The following ZGRF1 variants were observed in gnomAD, a reference collection of about 807,000 sequenced individuals.
ZGRF1 encodes the protein zinc finger GRF-type containing 1.
A neutral mutation model predicts 203.5 loss-of-function variants in ZGRF1; 196 were observed. That is an observed-to-expected ratio of 0.96 (90% CI 0.86 to 1.08). The LOEUF (loss-of-function observed/expected upper bound fraction) is 1.08. Among genes scored for constraint, ZGRF1 ranks in the 50% least tolerant of loss-of-function variants. The pLI, the probability that ZGRF1 is intolerant of heterozygous loss-of-function variation, is 0.00. For synonymous variants in ZGRF1, 809 were observed against 841.3 expected (o/e 0.96, Z 0.66); for missense variants, 2,326 against 2,416.3 (o/e 0.96, Z 0.78).
intron 18 of ZGRF1, 103 bp from the exon 19 acceptor site, chr4:112,561,098 G>T: frequency 1.1e-6 from 1 of 905,192 alleles, no homozygotes; most frequent in Non-Finnish European, 1.7e-6. Flanking sequence ...GCATTACAGA[G>T]AACAGTTTTT....
Position 112,618,260 on chromosome 4 carries a change from A to G in ZGRF1, c.1782T>C (p.Ser594=), listed in dbSNP as rs143714902. 3 of 1,613,946 alleles carry G rather than the reference A, an allele frequency of 1.9e-6. No homozygotes were observed. Among genetic ancestry groups the G allele is most frequent in the South Asian group, 1.1e-5 (1 of 91,072 alleles). Reference sequence around the variant, plus strand: ...ATGTCACTGTAGGTTTGTCACTAACAGATGTTAAGAATGGCAAATGTTCAC... The same window carrying G: ...ATGTCACTGTAGGTTTGTCACTAACGGATGTTAAGAATGGCAAATGTTCAC... ...IEGEHLPFLT[S]VSDKPTVTFP... The change falls in exon 6 of 28, where the codon TCT becomes TCC. Residue 594 remains serine (S), a synonymous_variant. Transcript: ENST00000505019.
At chr4:112,565,567 A>G (rs1196975693) in intron 16 of ZGRF1, among the ~76,000 whole-genome samples, 4 of 152,092 alleles carry the variant, frequency 2.6e-5, no homozygotes, top group South Asian at 2.1e-4. Context: ...GCAACCTACA[A>G]AATGGGAGAA....
intron 4 of ZGRF1, among the ~76,000 whole-genome samples, chr4:112,620,429 T>C (rs184021261): frequency 6.6e-6 from 1 of 152,222 alleles, no homozygotes; most frequent in African/African-American, 2.4e-5. Flanking sequence ...CAACACATAT[T>C]AGAGCTAGGC....
intron 10 of ZGRF1, among the ~76,000 whole-genome samples, chr4:112,600,895 C>T (rs750707378): frequency 2.0e-5 from 3 of 152,080 alleles, no homozygotes; most frequent in Non-Finnish European, 2.9e-5. Context: ...TCCCAGAGAT[C>T]GGGGCCTTCG....
chr4:112,620,205 G>A lies in ZGRF1; in HGVS notation c.163-15C>T, dbSNP rs747553878. 1.8e-5 allele frequency: 28 copies of A among 1,587,020 alleles called. 1 individual carries two copies. In the South Asian group the frequency reaches 3.2e-4, roughly 18 times the overall value. On this transcript the variant is annotated splice_polypyrimidine_tract_variant and intron_variant, in intron 4 of 27. Transcript: ENST00000505019. ...CCAGGTTTCACCTGAAAGAATAAAT[G>A]TCAAAATCACATACATCTAATTATT...
Position 112,540,945 on chromosome 4 carries a change from T to C in ZGRF1, c.5786A>G (p.Asp1929Gly), listed in dbSNP as rs1287630740. Residue 1929 changes from aspartate to glycine, a missense_variant, in exon 26 of 28, where the codon GAT becomes GGT. Physicochemically the swap from Asp to Gly is moderately conservative, Grantham distance 94 (BLOSUM62 -1). Transcript: ENST00000505019. ...TTCTGCCACATTATGAAAGCTGTTA[T>C]CTCTTTCTATCTGGAGTAAGAAATA... is the stretch of plus-strand genomic sequence containing the variant. ...NVKGLEQIER[D>G]NSFHNVAEAT... The C allele has an allele frequency of 1.9e-6, 3 of 1,568,486 alleles. No homozygotes were observed. Among genetic ancestry groups the C allele is most frequent in the Admixed American group, 1.9e-5 (1 of 53,010 alleles).
intron 16 of ZGRF1, among the ~76,000 whole-genome samples, chr4:112,580,808 G>C (rs528169841): frequency 4.9e-4 from 75 of 152,208 alleles, no homozygotes; most frequent in Non-Finnish European, 8.4e-4. Context: ...GGAGAAATAG[G>C]AACACTTTTA....
intron 10 of ZGRF1, among the ~76,000 whole-genome samples, chr4:112,597,784 T>C (rs1157390510): frequency 6.6e-6 from 1 of 151,296 alleles, no homozygotes; most frequent in African/African-American, 2.4e-5. Flanking sequence ...CTCGGGAGGC[T>C]GAGGCAGGAG....
intron 9 of ZGRF1, among the ~76,000 whole-genome samples, chr4:112,605,166 C>CTT (rs1417241500): frequency 2.7e-5 from 4 of 145,954 alleles, no homozygotes; most frequent in African/African-American, 7.5e-5. Context: ...ACCTCCCCCA[C>CTT]TTTTTTTTTT....
At chr4:112,561,272 ATAGT>A (rs10543204) in intron 18 of ZGRF1, 16,430 of 370,084 alleles carry the variant, frequency 0.044, 829 homozygotes, top group East Asian at 0.18. Flanking sequence ...ACACTAGGAA[ATAGT>A]TAGTTAATTA....
At chr4:112,557,867 C>A in intron 20 of ZGRF1, among the ~76,000 whole-genome samples, 1 of 152,174 alleles carries the variant, frequency 6.6e-6, no homozygotes, top group South Asian at 2.1e-4. Flanking sequence ...CAGACTGCCT[C>A]CCCCAACAAT....
intron 16 of ZGRF1, among the ~76,000 whole-genome samples, chr4:112,574,148 T>C (rs567634245): frequency 9.8e-5 from 15 of 152,310 alleles, no homozygotes; most frequent in Non-Finnish European, 1.8e-4. Flanking sequence ...AAGAAACCCA[T>C]ACATGTCTAA....
chr4:112,547,272 C>T lies in ZGRF1; in HGVS notation c.5598+13G>A, dbSNP rs1738994152. 1 of 1,602,776 alleles carries T rather than the reference C, an allele frequency of 6.2e-7. No individual in the cohort carries two copies. The highest frequency in any genetic ancestry group is 1.3e-5 in the African/African-American group (1 of 74,370). The stretch of plus-strand genomic sequence containing the variant: ...AATAAATGATAATTCCGTAAGAATT[C>T]AGCAGTATGTACCATTAAGCAAAGT... On this transcript the variant is annotated intron_variant, in intron 24 of 27. Transcript: ENST00000505019.
Position 112,565,622 on chromosome 4 carries a change from T to G in ZGRF1, c.4439-2348A>C, listed in dbSNP as rs991509060. Among the ~76,000 whole-genome samples the G allele has an allele frequency of 3.9e-4, 59 of 152,124 alleles. 1 individual carries two copies. Among genetic ancestry groups the G allele is most frequent in the Non-Finnish European group, 2.2e-4 (15 of 68,016 alleles). On this transcript the variant is annotated intron_variant, in intron 16 of 27. Transcript: ENST00000505019. ...TCTGACAAAGGGCTAATATCCAGAA[T>G]CTACGATGAACTCCAACAAATTTAT...
chr4:112,587,934 A>C lies in ZGRF1; in HGVS notation c.3128-5T>G. ...GAGAACGGGATTTTTTCATCCCTGA[A>C]AGAAAACAGAATGCTGATTAAATAA... is the stretch of plus-strand genomic sequence containing the variant. On this transcript the variant is annotated splice_polypyrimidine_tract_variant and splice_region_variant and intron_variant, in intron 11 of 27. Transcript: ENST00000505019. The C allele has an allele frequency of 6.6e-7, 1 of 1,514,246 alleles. No individual in the cohort carries two copies. Among genetic ancestry groups the C allele is most frequent in the Non-Finnish European group, 8.8e-7 (1 of 1,132,300 alleles). 93.8% of individuals were successfully genotyped at this position (1,514,246 alleles called of 1,614,324 possible).
intron 1 of ZGRF1, among the ~76,000 whole-genome samples, chr4:112,635,272 A>C (rs1255860651): frequency 6.6e-6 from 1 of 152,186 alleles, no homozygotes; most frequent in Non-Finnish European, 1.5e-5. Context: ...TGCTGTATAC[A>C]TAGATGAGAA....
chr4:112,617,981 C>T lies in ZGRF1; in HGVS notation c.2061G>A (p.Met687Ile), dbSNP rs759994411. The T allele has an allele frequency of 6.8e-6, 11 of 1,612,638 alleles. No homozygotes were observed. The African/African-American group carries it at 1.2e-4, about 18-fold the overall frequency. Reference protein sequence around the residue: ...LPPNKSKGINMNLHIPHIQNQ... With the variant: ...LPPNKSKGININLHIPHIQNQ... ...TTTGAATATGAGGAATATGTAAATTCATGTTTATACCTTTAGATTTATTCG... is the reference window on the plus strand; with the variant it reads ...TTTGAATATGAGGAATATGTAAATTTATGTTTATACCTTTAGATTTATTCG... Residue 687 changes from methionine (M) to isoleucine (I), a missense_variant, in exon 6 of 28, where the codon ATG (methionine) becomes ATA (isoleucine). Met to Ile is a conservative substitution (Grantham distance 10). Coordinates refer to ENST00000505019, the MANE Select transcript of ZGRF1 (RefSeq NM_018392.5).
chr4:112,539,779 T>C (rs1321810323), intron 27 of ZGRF1, 84 bp downstream of exon 27: 2 of 1,575,094 alleles, frequency 1.3e-6, no homozygotes, highest in African/African-American at 2.7e-5. Flanking sequence ...AGCAGAGCTG[T>C]TCCTGCTTGA....
At chr4:112,619,798 GTAAAGTAATAATTCAGATTTAAAGT>G (rs540102801) in intron 5 of ZGRF1, 108 bp from the exon 6 acceptor site, 8 of 1,023,712 alleles carry the variant, frequency 7.8e-6, no homozygotes, top group Middle Eastern at 2.7e-4. Flanking sequence ...TTTGCCTAAG[GTAAAGTAATAATTCAGATTTAAAGT>G]TTGTCAAAGT....
Sources: gnomAD v4.1 joint callset for allele counts (sites outside exome capture counted in the v4.1 genomes callset) on GRCh38, gnomAD v4.1.1 for gene constraint, MANE v1.5 for transcripts, NCBI Gene and HGNC (gene_info 2026-07-23, HGNC 2026-07-21) for gene names.